STPG2: variants seen among roughly 807,000 people sequenced by gnomAD.
STPG2 encodes sperm-tail PG-rich repeat-containing protein 2.
STPG2 carries 56 observed loss-of-function variants against 54.2 expected under a neutral mutation model. The ratio of observed to expected loss-of-function variants is 1.03; its 90% CI spans 0.83 to 1.29. The LOEUF (loss-of-function observed/expected upper bound fraction) is 1.29, where lower values mean the gene tolerates loss of function less well. STPG2 is among the 50% of genes most tolerant of loss of function. STPG2 has a pLI of 0.00. For missense variants in STPG2, 596 were observed against 544.9 expected (o/e 1.09, Z -0.93); for synonymous variants, 200 against 181.8 (o/e 1.10, Z -0.81).
intron 5 of STPG2, among the ~76,000 whole-genome samples, chr4:98,101,592 A>G (rs904086730): frequency 2.6e-5 from 4 of 152,142 alleles, no homozygotes; most frequent in African/African-American, 9.7e-5. Context: ...AACCTTAAAT[A>G]TAGCCCAGTA....
At chr4:97,998,457 C>T (rs573794929) in intron 5 of STPG2, among the ~76,000 whole-genome samples, 33 of 152,136 alleles carry the variant, frequency 2.2e-4, no homozygotes, top group South Asian at 1.5e-3. Flanking sequence ...CCAGCTGATA[C>T]GACATGGACT....
At chr4:97,637,796 G>T (rs1230222130) in intron 10 of STPG2, among the ~76,000 whole-genome samples, 3 of 152,098 alleles carry the variant, frequency 2.0e-5, no homozygotes, top group Non-Finnish European at 4.4e-5. Flanking sequence ...GGGATGTGAA[G>T]GACCTCTTCA....
chr4:97,473,094 T>C (rs966765228), intron 4 of STPG2, among the ~76,000 whole-genome samples: 3 of 152,186 alleles, frequency 2.0e-5, no homozygotes, highest in Non-Finnish European at 4.4e-5. Flanking sequence ...GGAGGATGTA[T>C]GTCACCTCAG....
At chr4:97,751,812 G>T (rs920881799) in intron 9 of STPG2, among the ~76,000 whole-genome samples, 30 of 151,736 alleles carry the variant, frequency 2.0e-4, no homozygotes, top group Non-Finnish European at 5.9e-5. Flanking sequence ...AAAGCAGATT[G>T]TGAGAGGACT....
rs570198222 is a variant in STPG2, at chr4:97,834,132, G to A, written c.1204+6641C>T. On this transcript the variant is annotated intron_variant, in intron 9 of 10. Transcript: ENST00000295268. ...CCAAATGCCCATCAATGACAGACTC[G>A]GTAAAGAAAATGTGGCATATATACA... Among the ~76,000 whole-genome samples the A allele has an allele frequency of 1.9e-4, 29 of 151,916 alleles. 1 individual carries two copies. The highest frequency in any genetic ancestry group is 6.6e-5 in the Admixed American group (1 of 15,246).
intron 8 of STPG2, among the ~76,000 whole-genome samples, chr4:97,904,773 G>A (rs1406522312): frequency 2.0e-5 from 3 of 152,178 alleles, no homozygotes; most frequent in Admixed American, 6.5e-5. Context: ...GGAGCTGATG[G>A]AGCTGAAAAC....
At chr4:98,038,807 T>A (rs1215471069) in intron 5 of STPG2, among the ~76,000 whole-genome samples, 1 of 151,930 alleles carries the variant, frequency 6.6e-6, no homozygotes, top group East Asian at 1.9e-4. Flanking sequence ...AGGACTGGTA[T>A]CCAGAATACA....
intron 5 of STPG2, chr4:98,025,301 G>A (rs1477039256): frequency 5.2e-6 from 1 of 192,770 alleles, no homozygotes. Context: ...TGTGTAAAAG[G>A]AAACAGAAGC....
chr4:98,131,941 C>A (rs904815042), intron 2 of STPG2, among the ~76,000 whole-genome samples: 1 of 151,990 alleles, frequency 6.6e-6, no homozygotes, highest in Non-Finnish European at 1.5e-5. Flanking sequence ...TATAGTAGTC[C>A]ACCTTTAAAT....
chr4:97,532,799 C>G (rs1347950434), intron 4 of STPG2, among the ~76,000 whole-genome samples: 1 of 152,172 alleles, frequency 6.6e-6, no homozygotes. Context: ...AGAAGATACA[C>G]ATTTAAACAC....
intron 9 of STPG2, among the ~76,000 whole-genome samples, chr4:97,840,500 G>T (rs1181729384): frequency 6.6e-6 from 1 of 151,584 alleles, no homozygotes; most frequent in Non-Finnish European, 1.5e-5. Context: ...TGCAAATGTT[G>T]TTTACAATCA....
chr4:97,968,750 G>A (rs1578742002), intron 7 of STPG2, among the ~76,000 whole-genome samples: 3 of 152,048 alleles, frequency 2.0e-5, no homozygotes, highest in South Asian at 4.1e-4. Context: ...TCATGTGTAG[G>A]GAGACCCCCT....
intron 7 of STPG2, among the ~76,000 whole-genome samples, chr4:97,954,928 C>T (rs888565346): frequency 6.6e-6 from 1 of 151,694 alleles, no homozygotes; most frequent in African/African-American, 2.4e-5. Flanking sequence ...AGTTAGCAGA[C>T]AAGAACTTTT....
chr4:97,781,611 C>T (rs1038271037), intron 9 of STPG2, among the ~76,000 whole-genome samples: 4 of 152,106 alleles, frequency 2.6e-5, no homozygotes, highest in African/African-American at 9.7e-5. Context: ...ATACTAAAGC[C>T]TGGAAAAGAC....
intron 9 of STPG2, among the ~76,000 whole-genome samples, chr4:97,793,136 A>G (rs1325004606): frequency 6.6e-6 from 1 of 151,994 alleles, no homozygotes; most frequent in Non-Finnish European, 1.5e-5. Context: ...CCTGGGCGAC[A>G]CCATCTCAAA....
chr4:97,484,245 AC>A (rs1169020195), intron 4 of STPG2, among the ~76,000 whole-genome samples: 3 of 151,792 alleles, frequency 2.0e-5, no homozygotes, highest in Non-Finnish European at 4.4e-5. Context: ...TTAAATTGAA[AC>A]AAAAAAATAC....
In STPG2 at chr4:98,131,360, A is replaced by G. The variant is rs1487135822; in HGVS notation, c.223-2768T>C. ...ATCTCAGGAAGCAATGATTTTTTCT[A>G]TGTATTACCAACATCTAGCATTATG... On this transcript the variant is annotated intron_variant, in intron 2 of 10. Coordinates refer to ENST00000295268, the MANE Select transcript of STPG2 (RefSeq NM_174952.3). Among the ~76,000 whole-genome samples the G allele has an allele frequency of 3.9e-5, 6 of 152,138 alleles. 1 individual carries two copies. Among genetic ancestry groups the G allele is most frequent in the Admixed American group, 3.9e-4 (6 of 15,272 alleles).
intron 4 of STPG2, among the ~76,000 whole-genome samples, chr4:97,515,453 A>G (rs1353369390): frequency 6.6e-6 from 1 of 152,116 alleles, no homozygotes; most frequent in Non-Finnish European, 1.5e-5. Flanking sequence ...TTAGAGTGGG[A>G]AAGCAGAAAA....
Position 97,836,049 on chromosome 4 carries a change from A to T in STPG2, c.1204+4724T>A, listed in dbSNP as rs111966756. Among the ~76,000 whole-genome samples the T allele has an allele frequency of 5.7e-3, 864 of 152,172 alleles. 5 individuals carry two copies. The highest frequency in any genetic ancestry group is 0.02 in the Middle Eastern group (6 of 294). On this transcript the variant is annotated intron_variant, in intron 9 of 10. Transcript: ENST00000295268. ...GTGAAGATGCTGTGAACACTGCTGAAGTAACAACAAGGGATTTCAAATATT... is the reference window on the plus strand; with the variant it reads ...GTGAAGATGCTGTGAACACTGCTGATGTAACAACAAGGGATTTCAAATATT...
Sources: gnomAD v4.1 joint callset for allele counts (sites outside exome capture counted in the v4.1 genomes callset) on GRCh38, gnomAD v4.1.1 for gene constraint, MANE v1.5 for transcripts, NCBI Gene and HGNC (gene_info 2026-07-23, HGNC 2026-07-21) for gene names.